The following NEDD9 variants were observed in gnomAD, a reference collection of about 807,000 sequenced individuals.
NEDD9 encodes the protein enhancer of filamentation 1.
A neutral mutation model predicts 76.6 loss-of-function variants in NEDD9; 26 were observed. That is an observed-to-expected ratio of 0.34 (90% CI 0.25 to 0.47). The LOEUF (loss-of-function observed/expected upper bound fraction) is 0.47. Among genes scored for constraint, NEDD9 ranks in the 20% least tolerant of loss-of-function variants. The pLI is 1.00. For missense variants in NEDD9, 937 were observed against 1,058.5 expected, an observed-to-expected ratio of 0.89 and a Z score of 1.59; for synonymous variants, 392 against 414.2, an observed-to-expected ratio of 0.95 and a Z score of 0.65.
chr6:11,357,356 C>T (rs535617250), intron 1 of NEDD9, among the ~76,000 whole-genome samples: 33 of 152,276 alleles, frequency 2.2e-4, no homozygotes, highest in Non-Finnish European at 4.3e-4. Flanking sequence ...CGGCAGGCAG[C>T]TTGGCACTGT....
intron 3 of NEDD9, among the ~76,000 whole-genome samples, chr6:11,259,935 AAC>A (rs55634199): frequency 9.8e-5 from 14 of 142,478 alleles, no homozygotes; most frequent in Non-Finnish European, 1.4e-4. Context: ...CTGCGCCCTT[AAC>A]ACACACACAC....
At position 11,190,035 on chromosome 6, in the gene NEDD9, C is replaced by T; in HGVS notation, c.1834G>A (p.Ala612Thr). 1 of 1,563,636 alleles carries T rather than the reference C, an allele frequency of 6.4e-7. No homozygotes were observed. Among genetic ancestry groups the T allele is most frequent in the East Asian group, 2.2e-5 (1 of 44,484 alleles). Reference sequence around the variant, plus strand: ...CCATCACTGCTGCTACAGTCAGGGGCCTGCTCCTTGCTCAGGCCTGGGGGC... The same window carrying T: ...CCATCACTGCTGCTACAGTCAGGGGTCTGCTCCTTGCTCAGGCCTGGGGGC... ...ALPPGLSKEQ[A>T]PDCSSSDGSE... The change falls in exon 5 of 7, where the codon GCC becomes ACC. Residue 612 changes from alanine to threonine, a missense_variant. Ala to Thr is a moderately conservative substitution (Grantham distance 58). Transcript: ENST00000379446. The surrounding 1 kb of genome is among the most constrained non-coding windows in gnomAD (Gnocchi z 5.8).
chr6:11,350,872 G>A (rs1762455527), intron 1 of NEDD9, among the ~76,000 whole-genome samples: 1 of 152,108 alleles, frequency 6.6e-6, no homozygotes, highest in South Asian at 2.1e-4. Context: ...AGGGTCGGGG[G>A]GTGGTCAGAA....
At chr6:11,273,593 C>T (rs186278133) in intron 3 of NEDD9, among the ~76,000 whole-genome samples, 2 of 152,322 alleles carry the variant, frequency 1.3e-5, no homozygotes, top group East Asian at 1.9e-4. Flanking sequence ...ACTCCCTTTC[C>T]GGCCGGCAGA....
intron 2 of NEDD9, among the ~76,000 whole-genome samples, chr6:11,194,503 A>C (rs900169195): frequency 2.6e-5 from 4 of 152,214 alleles, no homozygotes; most frequent in Non-Finnish European, 5.9e-5. Flanking sequence ...CTGTAATTCC[A>C]CAGGTCACCA....
At chr6:11,187,099 A>G (rs1757998639) in intron 6 of NEDD9, among the ~76,000 whole-genome samples, 2 of 151,704 alleles carry the variant, frequency 1.3e-5, no homozygotes, top group Admixed American at 1.3e-4. Context: ...GGCTTTATGC[A>G]AATATGTTCA....
Position 11,200,987 on chromosome 6 carries a change from G to T in NEDD9, c.460-7295C>A, listed in dbSNP as rs1296262920. 1.9e-6 allele frequency: 3 copies of T among 1,614,240 alleles called. No individual in the cohort carries two copies. The South Asian group carries it at 3.3e-5, about 18-fold the overall frequency. Reference sequence around the variant, plus strand: ...AGATCTTTTCAGTGGAGGTTCACAAGCTGGTTTGTTTAGAGGCTCTCACTA... The same window carrying T: ...AGATCTTTTCAGTGGAGGTTCACAATCTGGTTTGTTTAGAGGCTCTCACTA... On this transcript the variant is annotated intron_variant, in intron 2 of 6. Coordinates refer to ENST00000379446, the MANE Select transcript of NEDD9 (RefSeq NM_006403.4).
intron 3 of NEDD9, among the ~76,000 whole-genome samples, chr6:11,254,415 T>C (rs1759965047): frequency 6.6e-6 from 1 of 152,202 alleles, no homozygotes; most frequent in Non-Finnish European, 1.5e-5. Flanking sequence ...CTGGCTGTTT[T>C]TCTGAAGCTG....
At chr6:11,238,638 G>A (rs930460853) in intron 3 of NEDD9, among the ~76,000 whole-genome samples, 5 of 152,066 alleles carry the variant, frequency 3.3e-5, no homozygotes, top group East Asian at 3.9e-4. Flanking sequence ...CGTGCCTCCC[G>A]CTTGTACCCC....
chr6:11,232,649 A>G lies in NEDD9; in HGVS notation c.-134T>C, dbSNP rs1759519537. The G allele has an allele frequency of 1.1e-5, 17 of 1,559,756 alleles. No individual in the cohort carries two copies. The South Asian group carries it at 1.9e-4, about 17-fold the overall frequency. On this transcript the variant is annotated 5_prime_UTR_variant, in exon 1 of 7. Coordinates refer to ENST00000379446, the MANE Select transcript of NEDD9 (RefSeq NM_006403.4). ...CCGGGCAGAGCCGCTTGTCAGTCGC[A>G]GCGCCTCCCTCAAGTCTCTGAGCTC...
chr6:11,217,129 C>T (rs550705718), intron 1 of NEDD9, among the ~76,000 whole-genome samples: 38 of 152,284 alleles, frequency 2.5e-4, no homozygotes, highest in Admixed American at 2.3e-3. Context: ...GTTGGACTTT[C>T]GAAAAGATTT....
chr6:11,210,766 G>GGAGAGAGAGAGAGAGAGAGA (rs147934321), intron 2 of NEDD9, among the ~76,000 whole-genome samples: 2 of 121,854 alleles, frequency 1.6e-5, no homozygotes, highest in East Asian at 2.6e-4. Flanking sequence ...AGGGATGGGG[G>GGAGAGAGAGAGAGAGAGAGA]GAGAGAGAGA....
upstream of NEDD9, among the ~76,000 whole-genome samples, chr6:11,237,016 C>T (rs912435992): frequency 2.0e-5 from 3 of 152,102 alleles, no homozygotes; most frequent in Non-Finnish European, 4.4e-5. This position sits in a 1 kb window ranked among gnomAD's most constrained non-coding sequence, Gnocchi z 4.9. Context: ...ACAGGCAGGC[C>T]CCTTTGCTGA....
At chr6:11,264,280 C>A (rs1219742072) in intron 3 of NEDD9, among the ~76,000 whole-genome samples, 1 of 152,202 alleles carries the variant, frequency 6.6e-6, no homozygotes, top group African/African-American at 2.4e-5. Context: ...CAGGAGCATG[C>A]CCAGGCTGCA....
chr6:11,284,413 A>G (rs1760603215), intron 3 of NEDD9, among the ~76,000 whole-genome samples: 1 of 145,586 alleles, frequency 6.9e-6, no homozygotes, highest in Non-Finnish European at 1.5e-5. Flanking sequence ...AAAAAAAAAA[A>G]AAAGTAGCTG....
intron 1 of NEDD9, among the ~76,000 whole-genome samples, chr6:11,351,605 CTGA>C (rs1762471204): frequency 1.3e-5 from 2 of 152,138 alleles, no homozygotes; most frequent in African/African-American, 2.4e-5. Flanking sequence ...CATCCTTTTT[CTGA>C]AGACACAAGG....
At chr6:11,329,188 AG>A (rs1356602319) in intron 2 of NEDD9, among the ~76,000 whole-genome samples, 1 of 152,240 alleles carries the variant, frequency 6.6e-6, no homozygotes, top group African/African-American at 2.4e-5. Context: ...CACCCGTGCA[AG>A]GGCAAACATC....
At chr6:11,305,192 T>C (rs2113416481) in intron 3 of NEDD9, 12 of 1,220,312 alleles carry the variant, frequency 9.8e-6, no homozygotes, top group Non-Finnish European at 1.3e-5. Context: ...TCGATCTCAA[T>C]AGATAAGGGA....
chr6:11,255,009 G>C (rs772492486), intron 3 of NEDD9, among the ~76,000 whole-genome samples: 1 of 152,226 alleles, frequency 6.6e-6, no homozygotes, highest in African/African-American at 2.4e-5. Context: ...GAGCCCCAAA[G>C]GGAAGACTAG....
Sources: gnomAD v4.1 joint callset for allele counts (sites outside exome capture counted in the v4.1 genomes callset) on GRCh38, gnomAD v4.1.1 for gene constraint, Gnocchi (gnomAD v3.1) non-coding constraint, MANE v1.5 for transcripts, NCBI Gene and HGNC (gene_info 2026-07-23, HGNC 2026-07-21) for gene names.